The following CHD2 variants were observed in gnomAD, a reference collection of about 807,000 sequenced individuals.
The protein encoded by CHD2 is chromodomain helicase DNA binding protein 2.
A neutral mutation model predicts 243.9 loss-of-function variants in CHD2; 28 were observed. That is an observed-to-expected ratio of 0.11 (90% CI 0.09 to 0.16). The LOEUF (loss-of-function observed/expected upper bound fraction) is 0.16. CHD2 is among the 10% of genes least tolerant of loss of function. CHD2 has a pLI of 1.00. For missense variants in CHD2, 1,386 were observed against 2,209.8 expected (o/e 0.63, Z 7.47); for synonymous variants, 775 against 779.0 (o/e 0.99, Z 0.09).
At chr15:92,970,508 T>G (rs1012641289) in intron 17 of CHD2, among the ~76,000 whole-genome samples, 1 of 152,136 alleles carries the variant, frequency 6.6e-6, no homozygotes, top group Non-Finnish European at 1.5e-5. Context: ...GGCCCATAAT[T>G]ATTATTATTT....
In CHD2 at chr15:92,953,412, A is replaced by T; in HGVS notation, c.1558A>T (p.Ile520Leu). Residue 520 changes from isoleucine to leucine, a missense_variant, in exon 14 of 39, where the codon ATA (isoleucine) becomes TTA (leucine). Around this residue, in one of 19 missense-constraint regions of CHD2, gnomAD observed 63 missense variants for 108.8 expected, o/e 0.58. Coordinates refer to ENST00000394196, the MANE Select transcript of CHD2 (RefSeq NM_001271.4). The part of the protein sequence containing the change: ...EMGLGKTIQT[I>L]SFLSYLFHQH... ...GGGCCTAGGAAAGACCATCCAGACC[A>T]TATCATTCCTCTCCTACCTGTTCCA... 1 of 1,614,152 alleles carries T rather than the reference A, an allele frequency of 6.2e-7. No individual in the cohort carries two copies. The highest frequency in any genetic ancestry group is 8.5e-7 in the Non-Finnish European group (1 of 1,180,022).
rs2054214740 is a variant in CHD2, at chr15:92,998,758, C to A, written c.4008+137C>A. 8 of 1,125,432 alleles carry A rather than the reference C, an allele frequency of 7.1e-6. No individual in the cohort carries two copies. The highest frequency in any genetic ancestry group is 1.0e-5 in the Non-Finnish European group (8 of 793,604). The allele number at this position is 1,125,432 out of a possible 1,614,324, so 69.7% of individuals were successfully genotyped here. A position where few individuals can be genotyped will look rare whatever the true frequency, so the allele number is the denominator to read the frequency against. ...ATGGGCATATTTTGTTTTTGAGGTT[C>A]CAGTAATGATGCTTTGCTTGGTAAT... On this transcript the variant is annotated intron_variant, in intron 31 of 38. Transcript: ENST00000394196. This position sits in a 1 kb window ranked among gnomAD's most constrained non-coding sequence, Gnocchi z 5.1.
chr15:92,969,567 G>C (rs1429901478), intron 17 of CHD2, among the ~76,000 whole-genome samples: 1 of 152,218 alleles, frequency 6.6e-6, no homozygotes, highest in African/African-American at 2.4e-5. Context: ...GGTATTTGGA[G>C]ACCACATACT....
Position 92,902,321 on chromosome 15 carries a change from T to C in CHD2, c.62+1022T>C, listed in dbSNP as rs1596360487. ...TTGTTGTATGACCTCTGTATATTAA[T>C]TTTTAAAAGTACATATGAATGCATT... On this transcript the variant is annotated intron_variant, in intron 2 of 38. Transcript: ENST00000394196. 1.5e-5 allele frequency: 6 copies of C among 395,616 alleles called. No homozygotes were observed. The East Asian group carries it at 2.2e-4, about 14-fold the overall frequency. 24.5% of individuals were successfully genotyped at this position (395,616 alleles called of 1,614,324 possible). A position where few individuals can be genotyped will look rare whatever the true frequency, so the allele number is the denominator to read the frequency against.
chr15:92,927,442 A>G, intron 4 of CHD2, 112 bp downstream of exon 4: 1 of 708,072 alleles, frequency 1.4e-6, no homozygotes, highest in Non-Finnish European at 2.4e-6. Flanking sequence ...CATGAGGGTT[A>G]AGTGACTCTA....
chr15:92,990,176 T>A (rs1458888405), intron 26 of CHD2, among the ~76,000 whole-genome samples: 2 of 152,180 alleles, frequency 1.3e-5, no homozygotes, highest in Non-Finnish European at 2.9e-5. Context: ...CCAGGTCCAG[T>A]CATTCTGGGG....
In CHD2 at chr15:92,985,558, G is replaced by C. The variant is rs763614224; in HGVS notation, c.3298G>C (p.Ala1100Pro). The C allele has an allele frequency of 1.7e-5, 27 of 1,613,964 alleles. No homozygotes were observed. In the East Asian group the frequency reaches 5.6e-4, roughly 33 times the overall value. The change falls in exon 26 of 39, where the codon GCT becomes CCT. Residue 1100 changes from alanine to proline, a missense_variant. Ala to Pro is a conservative substitution (Grantham distance 27). Coordinates refer to ENST00000394196, the MANE Select transcript of CHD2 (RefSeq NM_001271.4). ...TAAGAGGCAGGCCCAGAGATCCTCT[G>C]CTTCTGAGAGTGAAACGGAAGACTC... ...ESKRQAQRSS[A>P]SESETEDSDD...
At chr15:92,940,978 TATAA>T (rs1300827244) in intron 7 of CHD2, among the ~76,000 whole-genome samples, 51 of 127,174 alleles carry the variant, frequency 4.0e-4, no homozygotes, top group Non-Finnish European at 5.9e-4. Flanking sequence ...TAAATATAAA[TATAA>T]ATATATATAT....
chr15:92,996,835 C>T, intron 28 of CHD2, 122 bp from the exon 29 acceptor site: 2 of 959,982 alleles, frequency 2.1e-6, no homozygotes, highest in African/African-American at 3.4e-5. Context: ...ATTATATCTT[C>T]AAAATAACAA....
intron 5 of CHD2, among the ~76,000 whole-genome samples, chr15:92,934,320 A>G (rs1048291908): frequency 1.3e-5 from 2 of 152,188 alleles, no homozygotes; most frequent in Admixed American, 6.5e-5. Flanking sequence ...TTCCATGTCT[A>G]TTTACATTGC....
intron 2 of CHD2, among the ~76,000 whole-genome samples, chr15:92,912,845 A>C (rs1033545460): frequency 7.2e-5 from 11 of 152,342 alleles, no homozygotes; most frequent in East Asian, 1.9e-4. Flanking sequence ...CCACTGCGCC[A>C]GGCCCTGACA....
At chr15:92,943,999 T>C (rs1174847948) in intron 9 of CHD2, 2 of 152,406 alleles carry the variant, frequency 1.3e-5, no homozygotes, top group African/African-American at 2.4e-5. Context: ...TGAAAGGTTT[T>C]GGTAATAAGA....
chr15:92,980,037 TTTTGTTTG>T (rs55822413), intron 22 of CHD2, among the ~76,000 whole-genome samples: 1 of 150,028 alleles, frequency 6.7e-6, no homozygotes, highest in Non-Finnish European at 1.5e-5. Context: ...CAGCTATGTT[TTTTGTTTG>T]TTTGTTTGTT....
chr15:92,918,642 A>G lies in CHD2; in HGVS notation c.63-5679A>G, dbSNP rs143300390. 3.6e-3 allele frequency among the ~76,000 whole-genome samples: 552 copies of G among 152,184 alleles called. 2 individuals are homozygous for G. The highest frequency in any genetic ancestry group is 0.012 in the African/African-American group (486 of 41,538). On this transcript the variant is annotated intron_variant, in intron 2 of 38. Transcript: ENST00000394196. ...GTCTTGTGGGCTTTCTGCCTCCTCT[A>G]CTAAACCAGCACTAAAGCTACAGCT...
intron 2 of CHD2, among the ~76,000 whole-genome samples, chr15:92,923,645 A>C (rs2053002880): frequency 6.8e-6 from 1 of 146,052 alleles, no homozygotes; most frequent in South Asian, 2.1e-4. Flanking sequence ...GGCTCACTAC[A>C]TCCTTTGCCT....
chr15:92,978,677 T>A (rs2141843558), intron 21 of CHD2, among the ~76,000 whole-genome samples: 1 of 152,366 alleles, frequency 6.6e-6, no homozygotes, highest in East Asian at 1.9e-4. Context: ...TTCTCTATTT[T>A]AGTATGGAAA....
intron 37 of CHD2, 65 bp from the exon 38 acceptor site, chr15:93,019,947 A>G (rs1045867360): frequency 1.9e-6 from 3 of 1,547,466 alleles, no homozygotes; most frequent in East Asian, 2.3e-5. Context: ...AAAAAAAAAA[A>G]TTGTAGTGAA....
rs1340343354 is a variant in CHD2, at chr15:93,002,325, T to C, written c.4278+8T>C. The C allele has an allele frequency of 1.3e-6, 2 of 1,590,812 alleles. No individual in the cohort carries two copies. The highest frequency in any genetic ancestry group is 1.9e-5 in the Admixed American group (1 of 52,278). ...AAAGATAAGAAAGAGAAGGTAATGATGCCCTTCTGTTCATGCAGATATCCA... is the reference window on the plus strand; with the variant it reads ...AAAGATAAGAAAGAGAAGGTAATGACGCCCTTCTGTTCATGCAGATATCCA... On this transcript the variant is annotated splice_region_variant and intron_variant, in intron 33 of 38. Coordinates refer to ENST00000394196, the MANE Select transcript of CHD2 (RefSeq NM_001271.4).
At chr15:92,975,409 C>T (rs536126760) in intron 20 of CHD2, among the ~76,000 whole-genome samples, 45 of 152,118 alleles carry the variant, frequency 3.0e-4, no homozygotes, top group Non-Finnish European at 4.6e-4. Context: ...CAGTGTCGAG[C>T]TTGGATTTGG....
Sources: gnomAD v4.1 joint callset for allele counts (sites outside exome capture counted in the v4.1 genomes callset) on GRCh38, gnomAD v4.1.1 for gene constraint, gnomAD v4.1.1 regional missense constraint, Gnocchi (gnomAD v3.1) non-coding constraint, MANE v1.5 for transcripts, NCBI Gene and HGNC (gene_info 2026-07-23, HGNC 2026-07-21) for gene names.